Variants in CDK14 observed in about 807,000 individuals in gnomAD.
The protein encoded by CDK14 is cyclin-dependent kinase 14.
In CDK14, 34 loss-of-function variants were observed where a neutral mutation model predicts 60.7. The observed-to-expected ratio is 0.56, with a 90% CI of 0.43 to 0.75. The LOEUF (loss-of-function observed/expected upper bound fraction) is 0.75, where lower values mean the gene tolerates loss of function less well. Ranked by LOEUF, CDK14 falls within the 30% of genes least tolerant of loss-of-function variation. CDK14 has a pLI of 0.00. For missense variants in CDK14, 482 were observed against 564.1 expected (o/e 0.85, Z 1.47); for synonymous variants, 197 against 203.7 (o/e 0.97, Z 0.28).
intron 14 of CDK14, among the ~76,000 whole-genome samples, chr7:91,165,655 A>C (rs2115768560): frequency 6.6e-6 from 1 of 152,336 alleles, no homozygotes; most frequent in African/African-American, 2.4e-5. Flanking sequence ...GCTGCTTTTA[A>C]CGTTTACTCA....
chr7:90,820,365 T>C (rs1343047870), intron 5 of CDK14, among the ~76,000 whole-genome samples: 1 of 152,168 alleles, frequency 6.6e-6, no homozygotes, highest in East Asian at 1.9e-4. Flanking sequence ...TCTCAAATTG[T>C]AATCCCCACA....
chr7:90,698,067 C>CAA (rs71104484), intron 2 of CDK14, among the ~76,000 whole-genome samples: 1,352 of 75,506 alleles, frequency 0.018, 121 homozygotes, highest in African/African-American at 0.053. Context: ...GACTCTGTCT[C>CAA]AAAAAAAAAA....
At position 90,646,299 on chromosome 7, in the gene CDK14, A is replaced by G. The variant is rs1171476750; in HGVS notation, c.123+42050A>G. ...GAGAGGCATACTGACAGTATGAAGGACTTTTTTTTTTTTTTTTAATTCTGC... is the reference window on the plus strand; with the variant it reads ...GAGAGGCATACTGACAGTATGAAGGGCTTTTTTTTTTTTTTTTAATTCTGC... On this transcript the variant is annotated intron_variant, in intron 2 of 14. Transcript: ENST00000380050. Among the ~76,000 whole-genome samples the G allele has an allele frequency of 2.3e-4, 23 of 100,500 alleles. No homozygotes were observed. In the Admixed American group the frequency reaches 2.4e-3, roughly 10 times the overall value. The allele number at this position is 100,500 out of a possible 152,430, so 65.9% of individuals were successfully genotyped here.
intron 6 of CDK14, among the ~76,000 whole-genome samples, chr7:90,868,947 T>C (rs926102852): frequency 3.3e-5 from 5 of 152,200 alleles, no homozygotes; most frequent in Non-Finnish European, 7.3e-5. Context: ...TCCTAGAGTT[T>C]TATATGATGG....
At chr7:90,850,640 A>C (rs1584043729) in intron 5 of CDK14, among the ~76,000 whole-genome samples, 1 of 152,266 alleles carries the variant, frequency 6.6e-6, no homozygotes, top group South Asian at 2.1e-4. Flanking sequence ...CTAATTTTGA[A>C]AGACCATGGG....
intron 10 of CDK14, among the ~76,000 whole-genome samples, chr7:91,027,594 A>G (rs1453875355): frequency 1.3e-5 from 2 of 152,096 alleles, no homozygotes; most frequent in Non-Finnish European, 2.9e-5. Context: ...GAAAGTCTGT[A>G]CTATTGTATG....
chr7:90,986,697 G>A (rs1254715963), intron 10 of CDK14, among the ~76,000 whole-genome samples: 6 of 151,830 alleles, frequency 4.0e-5, no homozygotes, highest in African/African-American at 1.2e-4. Flanking sequence ...TTAATGGGCT[G>A]TAGTTTATAT....
chr7:90,618,682 A>G (rs1343168474), intron 2 of CDK14, among the ~76,000 whole-genome samples: 1 of 152,238 alleles, frequency 6.6e-6, no homozygotes, highest in Non-Finnish European at 1.5e-5. Flanking sequence ...ATTAGAGCAC[A>G]GAATTATGGC....
At chr7:90,610,135 T>TG (rs1799509026) in intron 2 of CDK14, among the ~76,000 whole-genome samples, 1 of 152,186 alleles carries the variant, frequency 6.6e-6, no homozygotes, top group Admixed American at 6.5e-5. Flanking sequence ...CCCATTCTCA[T>TG]AGTCCATAAC....
At chr7:90,830,834 G>T (rs1789890504) in intron 5 of CDK14, among the ~76,000 whole-genome samples, 1 of 152,186 alleles carries the variant, frequency 6.6e-6, no homozygotes, top group Non-Finnish European at 1.5e-5. Context: ...AATTTCCACA[G>T]ATCTCTAGGG....
chr7:90,645,984 C>A (rs900083924), intron 2 of CDK14, among the ~76,000 whole-genome samples: 3 of 152,208 alleles, frequency 2.0e-5, no homozygotes, highest in Non-Finnish European at 4.4e-5. Flanking sequence ...AAAATCACAA[C>A]TGACATTTAT....
At chr7:90,842,755 A>C (rs1317317076) in intron 5 of CDK14, among the ~76,000 whole-genome samples, 1 of 152,196 alleles carries the variant, frequency 6.6e-6, no homozygotes, top group Non-Finnish European at 1.5e-5. Context: ...AGTACATAGC[A>C]AACTAAGCTG....
chr7:91,177,379 ATTCCC>A (rs1338027356), intron 14 of CDK14, among the ~76,000 whole-genome samples: 1 of 150,488 alleles, frequency 6.6e-6, no homozygotes, highest in Non-Finnish European at 1.5e-5. Context: ...AACTGGAAGC[ATTCCC>A]TTTGAAAACT....
intron 8 of CDK14, among the ~76,000 whole-genome samples, chr7:90,925,475 G>A (rs1793389323): frequency 6.6e-6 from 1 of 152,180 alleles, no homozygotes; most frequent in Non-Finnish European, 1.5e-5. Flanking sequence ...TGTTTAGTAT[G>A]GTTTCTGAAT....
intron 10 of CDK14, among the ~76,000 whole-genome samples, chr7:91,044,973 G>A (rs1036780876): frequency 6.6e-6 from 1 of 152,158 alleles, no homozygotes; most frequent in Admixed American, 6.5e-5. Context: ...TGAGGTAGAT[G>A]CTGTTAACAC....
At chr7:90,988,942 G>A (rs923100170) in intron 10 of CDK14, among the ~76,000 whole-genome samples, 39 of 151,814 alleles carry the variant, frequency 2.6e-4, no homozygotes, top group African/African-American at 9.0e-4. Flanking sequence ...TGGTACAATT[G>A]TTAAAATAGT....
chr7:90,754,613 A>T (rs1381207954), intron 4 of CDK14, among the ~76,000 whole-genome samples: 24 of 152,220 alleles, frequency 1.6e-4, no homozygotes, highest in Admixed American at 1.6e-3. Context: ...TTGCAACAAA[A>T]GCCAAAATTG....
At chr7:91,137,630 A>C (rs1800319533) in intron 14 of CDK14, among the ~76,000 whole-genome samples, 1 of 152,028 alleles carries the variant, frequency 6.6e-6, no homozygotes, top group African/African-American at 2.4e-5. Flanking sequence ...ACACACACGC[A>C]CACACACACT....
chr7:90,951,254 G>A (rs973166937), intron 8 of CDK14, among the ~76,000 whole-genome samples: 4 of 152,092 alleles, frequency 2.6e-5, no homozygotes, highest in East Asian at 3.8e-4. Flanking sequence ...TTAACTAAGA[G>A]CAAGACTTTT....
Sources: allele counts gnomAD v4.1 joint callset (sites outside exome capture counted in the v4.1 genomes callset), GRCh38; gene constraint gnomAD v4.1.1; transcripts MANE v1.5; gene names NCBI Gene and HGNC (gene_info 2026-07-23, HGNC 2026-07-21).